Variants in ADGB observed in about 807,000 individuals in gnomAD.
ADGB encodes calpain-7-like protein.
A neutral mutation model predicts 210.5 loss-of-function variants in ADGB; 172 were observed. That is an observed-to-expected ratio of 0.82 (90% CI 0.72 to 0.93). ADGB has a LOEUF of 0.93. Among genes scored for constraint, ADGB ranks in the 40% least tolerant of loss-of-function variants. The pLI, the probability that ADGB is intolerant of heterozygous loss-of-function variation, is 0.00. For missense variants in ADGB, 2,025 were observed against 1,964.8 expected, an observed-to-expected ratio of 1.03 and a Z score of -0.58; for synonymous variants, 658 against 662.7, an observed-to-expected ratio of 0.99 and a Z score of 0.11.
At chr6:146,636,180 A>C (rs1169239236) in intron 2 of ADGB, among the ~76,000 whole-genome samples, 1 of 152,126 alleles carries the variant, frequency 6.6e-6, no homozygotes, top group Non-Finnish European at 1.5e-5. Flanking sequence ...ACTTTCATTT[A>C]AAATATGACC....
Position 146,745,956 on chromosome 6 carries a change from G to T in ADGB, c.3212G>T (p.Gly1071Val). ...ACTTTTGTGGCGGAAGCATTTACAG[G>T]CGACACATATGTAGCAGCCTCACGA... ...GYTFVAEAFT[G>V]DTYVAASRWK... The change falls in exon 26 of 36, where the codon GGC becomes GTC. Residue 1071 changes from glycine (G) to valine (V), a missense_variant. Transcript: ENST00000397944. The T allele has an allele frequency of 1.3e-6, 2 of 1,549,748 alleles. No homozygotes were observed. Among genetic ancestry groups the T allele is most frequent in the African/African-American group, 1.4e-5 (1 of 73,000 alleles).
intron 32 of ADGB, among the ~76,000 whole-genome samples, chr6:146,787,447 T>A (rs190857715): frequency 1.3e-4 from 20 of 152,330 alleles, no homozygotes; most frequent in African/African-American, 4.1e-4. Flanking sequence ...TTTCTTACTG[T>A]GCCTGGAATA....
At chr6:146,800,532 CT>C (rs943462342) in intron 33 of ADGB, among the ~76,000 whole-genome samples, 56 of 76,784 alleles carry the variant, frequency 7.3e-4, no homozygotes, top group African/African-American at 2.3e-3. Flanking sequence ...ACTTCAGTAG[CT>C]TTTTTTTAAA....
At chr6:146,680,227 A>G (rs1167638786) in intron 9 of ADGB, among the ~76,000 whole-genome samples, 1 of 152,044 alleles carries the variant, frequency 6.6e-6, no homozygotes, top group African/African-American at 2.4e-5. Flanking sequence ...ACTGACCTAT[A>G]CCGTGCTCTC....
At chr6:146,806,390 T>G (rs976458396) in intron 35 of ADGB, among the ~76,000 whole-genome samples, 3 of 152,228 alleles carry the variant, frequency 2.0e-5, no homozygotes, top group African/African-American at 7.2e-5. Flanking sequence ...ACACACTTTC[T>G]TAAAATGTCT....
chr6:146,693,516 C>A (rs972771327), intron 12 of ADGB, among the ~76,000 whole-genome samples: 1 of 152,160 alleles, frequency 6.6e-6, no homozygotes, highest in Non-Finnish European at 1.5e-5. Context: ...TGGTAGCCAC[C>A]TAACCTGTGG....
At chr6:146,760,606 C>CCAATGAAATTGG in intron 27 of ADGB, among the ~76,000 whole-genome samples, 1 of 151,912 alleles carries the variant, frequency 6.6e-6, no homozygotes. Context: ...GTTTTCATTT[C>CCAATGAAATTGG]ACTTGGATCA....
chr6:146,644,946 A>G, intron 3 of ADGB, 81 bp downstream of exon 3: 1 of 811,928 alleles, frequency 1.2e-6, no homozygotes, highest in Non-Finnish European at 1.8e-6. Flanking sequence ...ATTTTTTGTA[A>G]TGATTTAGGG....
chr6:146,703,471 C>T (rs1776523345), intron 13 of ADGB, among the ~76,000 whole-genome samples: 1 of 151,726 alleles, frequency 6.6e-6, no homozygotes, highest in Non-Finnish European at 1.5e-5. Context: ...GAATTTATCT[C>T]TACTAACTGA....
chr6:146,797,096 A>G (rs903823073), intron 33 of ADGB, among the ~76,000 whole-genome samples: 2 of 152,348 alleles, frequency 1.3e-5, no homozygotes, highest in African/African-American at 4.8e-5. Flanking sequence ...ATATGAAAAA[A>G]TGCTCAACAT....
At position 146,676,421 on chromosome 6, in the gene ADGB, C is replaced by T. The variant is rs1052630922; in HGVS notation, c.1196C>T (p.Ser399Phe). 1 of 1,495,140 alleles carries T rather than the reference C, an allele frequency of 6.7e-7. No individual in the cohort carries two copies. Among genetic ancestry groups the T allele is most frequent in the Non-Finnish European group, 8.9e-7 (1 of 1,119,208 alleles). The allele number at this position is 1,495,140 out of a possible 1,614,324, so 92.6% of individuals were successfully genotyped here. A position where few individuals can be genotyped will look rare whatever the true frequency, so the allele number is the denominator to read the frequency against. ...AGACCCTCATCAGAAGTGCAGTACT[C>T]TGTGCAGTCCCTATCAGATTGTAAG... ...GSRPSSEVQY[S>F]VQSLSDCSSA... Residue 399 changes from serine to phenylalanine, a missense_variant, in exon 9 of 36, where the codon TCT becomes TTT. Transcript: ENST00000397944.
At position 146,764,114 on chromosome 6, in the gene ADGB, A is replaced by T; in HGVS notation, c.3750+14A>T. ...ACACCACTGCAGGTATATTAAAAAC[A>T]ATTGTTCAATTGGACTGTTCCTAAA... is the stretch of plus-strand genomic sequence containing the variant. On this transcript the variant is annotated intron_variant, in intron 28 of 35. Coordinates refer to ENST00000397944, the MANE Select transcript of ADGB (RefSeq NM_024694.4). 1 of 1,514,682 alleles carries T rather than the reference A, an allele frequency of 6.6e-7. No individual in the cohort carries two copies. The highest frequency in any genetic ancestry group is 8.9e-7 in the Non-Finnish European group (1 of 1,127,826). 93.8% of individuals were successfully genotyped at this position (1,514,682 alleles called of 1,614,324 possible).
rs140128419 is a variant in ADGB, at chr6:146,627,610, G to A, written c.75-7765G>A. Among the ~76,000 whole-genome samples, 44 of 152,180 alleles carry A rather than the reference G, an allele frequency of 2.9e-4. No homozygotes were observed. The East Asian group carries it at 8.3e-3, about 29-fold the overall frequency. On this transcript the variant is annotated intron_variant, in intron 1 of 35. Coordinates refer to ENST00000397944, the MANE Select transcript of ADGB (RefSeq NM_024694.4). The stretch of plus-strand genomic sequence containing the variant: ...GCTGGGCACAGTAATACTAGTTCTG[G>A]TTCAGCGTGAGTCCTCAGATTCTCT...
intron 7 of ADGB, 79 bp downstream of exon 7, chr6:146,666,981 GA>G: frequency 8.3e-7 from 1 of 1,207,046 alleles, no homozygotes; most frequent in Admixed American, 2.5e-5. Flanking sequence ...TAGCCTTTAA[GA>G]AAATTTCAAG....
intron 35 of ADGB, among the ~76,000 whole-genome samples, chr6:146,813,198 G>A (rs1190826553): frequency 2.0e-5 from 3 of 152,080 alleles, no homozygotes; most frequent in African/African-American, 7.2e-5. Context: ...GCGGTAATCT[G>A]AATCCGTGAC....
intron 30 of ADGB, among the ~76,000 whole-genome samples, chr6:146,782,792 C>T (rs1239310598): frequency 1.3e-5 from 2 of 151,964 alleles, no homozygotes; most frequent in Non-Finnish European, 2.9e-5. Flanking sequence ...TAGAAAATTG[C>T]CATGATTAGG....
Position 146,644,831 on chromosome 6 carries a change from C to T in ADGB, c.296C>T (p.Ser99Phe). Reference protein sequence around the residue: ...IELPPSLKIYSWKRPQDILFS... With the variant: ...IELPPSLKIYFWKRPQDILFS... The stretch of plus-strand genomic sequence containing the variant: ...TTACCACCATCCTTGAAAATTTATT[C>T]CTGGAAACGTCCACAAGATATTTTA... Residue 99 changes from serine (S) to phenylalanine (F), a missense_variant, in exon 3 of 36, where the codon TCC (serine) becomes TTC (phenylalanine). Coordinates refer to ENST00000397944, the MANE Select transcript of ADGB (RefSeq NM_024694.4). 1 of 1,490,056 alleles carries T rather than the reference C, an allele frequency of 6.7e-7. No individual in the cohort carries two copies. Among genetic ancestry groups the T allele is most frequent in the Non-Finnish European group, 8.9e-7 (1 of 1,119,272 alleles). The allele number at this position is 1,490,056 out of a possible 1,614,324, so 92.3% of individuals were successfully genotyped here.
chr6:146,647,678 T>C (rs1330085130), intron 3 of ADGB, among the ~76,000 whole-genome samples: 1 of 152,018 alleles, frequency 6.6e-6, no homozygotes, highest in Non-Finnish European at 1.5e-5. Context: ...CAACAACAAC[T>C]AGAACCAGAT....
chr6:146,735,988 A>G (rs1777073543), intron 22 of ADGB, among the ~76,000 whole-genome samples: 1 of 152,232 alleles, frequency 6.6e-6, no homozygotes, highest in Non-Finnish European at 1.5e-5. Context: ...AAATTAAGAT[A>G]GGATAATTAG....
Sources: allele counts gnomAD v4.1 joint callset (sites outside exome capture counted in the v4.1 genomes callset), GRCh38; gene constraint gnomAD v4.1.1; transcripts MANE v1.5; gene names NCBI Gene and HGNC (gene_info 2026-07-23, HGNC 2026-07-21).